CEP128: variants seen among roughly 807,000 people sequenced by gnomAD.
CEP128 encodes the protein centrosomal protein 128, also known as centrosomal protein 128kDa.
A neutral mutation model predicts 156.7 loss-of-function variants in CEP128; 132 were observed. The ratio of observed to expected loss-of-function variants is 0.84; its 90% CI spans 0.73 to 0.97. The LOEUF is 0.97. CEP128 is among the 50% of genes least tolerant of loss of function. The pLI, the probability that CEP128 is intolerant of heterozygous loss-of-function variation, is 0.00. For synonymous variants in CEP128, 469 were observed against 448.9 expected (o/e 1.04, Z -0.57); for missense variants, 1,252 against 1,281.9 (o/e 0.98, Z 0.36).
At chr14:80,551,078 T>C (rs1186275779) in intron 21 of CEP128, among the ~76,000 whole-genome samples, 1 of 152,178 alleles carries the variant, frequency 6.6e-6, no homozygotes, top group Non-Finnish European at 1.5e-5. Flanking sequence ...CCTACTCTTA[T>C]GGTAAATATT....
intron 12 of CEP128, among the ~76,000 whole-genome samples, chr14:80,833,447 T>C (rs1027677495): frequency 2.0e-5 from 3 of 151,780 alleles, no homozygotes; most frequent in Non-Finnish European, 4.4e-5. Context: ...ATGAAACATT[T>C]CCCAAAAAAG....
intron 19 of CEP128, among the ~76,000 whole-genome samples, chr14:80,645,545 T>A (rs1272203115): frequency 1.3e-5 from 2 of 152,074 alleles, no homozygotes; most frequent in African/African-American, 4.8e-5. Context: ...GGAAAGGAAT[T>A]AAAATAAGCA....
intron 9 of CEP128, among the ~76,000 whole-genome samples, chr14:80,849,576 G>A (rs975666680): frequency 2.6e-5 from 4 of 152,078 alleles, no homozygotes; most frequent in African/African-American, 4.8e-5. Context: ...AGATATATAA[G>A]AAATAACAGC....
At chr14:80,762,955 G>C (rs1223902824) in intron 16 of CEP128, among the ~76,000 whole-genome samples, 1 of 152,148 alleles carries the variant, frequency 6.6e-6, no homozygotes, top group African/African-American at 2.4e-5. Context: ...AGAGATTAAT[G>C]TGTATGAACT....
intron 24 of CEP128, 22 bp from the exon 25 acceptor site, chr14:80,497,604 G>GA: frequency 6.5e-7 from 1 of 1,532,330 alleles, no homozygotes; most frequent in South Asian, 1.1e-5. Context: ...AGAAGAAAAA[G>GA]AAAAATAAAC....
At chr14:80,579,445 AT>A (rs1360948652) in intron 20 of CEP128, among the ~76,000 whole-genome samples, 1 of 152,040 alleles carries the variant, frequency 6.6e-6, no homozygotes, top group African/African-American at 2.4e-5. Context: ...CTTCCTTTGC[AT>A]TTTCAGATCA....
At chr14:80,811,736 T>C (rs1884553372) in intron 13 of CEP128, among the ~76,000 whole-genome samples, 2 of 151,040 alleles carry the variant, frequency 1.3e-5, no homozygotes, top group South Asian at 4.2e-4. Flanking sequence ...TATGTATGTA[T>C]TATCCAGATA....
intron 19 of CEP128, among the ~76,000 whole-genome samples, chr14:80,602,136 A>G (rs1015284654): frequency 2.6e-5 from 4 of 152,174 alleles, no homozygotes; most frequent in African/African-American, 7.2e-5. Context: ...ATCAATCAAG[A>G]CTATATAACA....
intron 8 of CEP128, among the ~76,000 whole-genome samples, chr14:80,879,843 T>C (rs1888450240): frequency 2.1e-5 from 3 of 142,414 alleles, no homozygotes; most frequent in African/African-American, 7.9e-5. Flanking sequence ...GTTCCCAGAT[T>C]CAACTCAAAG....
At chr14:80,853,191 A>G (rs1423725840) in intron 9 of CEP128, among the ~76,000 whole-genome samples, 11 of 147,700 alleles carry the variant, frequency 7.4e-5, no homozygotes. Flanking sequence ...GTAGGGGCAA[A>G]CACCATACAA....
At chr14:80,659,622 A>C (rs2140890232) in intron 19 of CEP128, among the ~76,000 whole-genome samples, 1 of 152,300 alleles carries the variant, frequency 6.6e-6, no homozygotes, top group Non-Finnish European at 1.5e-5. Flanking sequence ...AACTAAAATG[A>C]AAAGCACTTA....
intron 9 of CEP128, among the ~76,000 whole-genome samples, chr14:80,851,974 C>T (rs569403286): frequency 1.3e-4 from 20 of 151,842 alleles, no homozygotes; most frequent in Admixed American, 7.9e-4. Context: ...ACAAATCACA[C>T]GGAGAAACTG....
At chr14:80,944,883 A>T (rs868507919), upstream of CEP128, among the ~76,000 whole-genome samples, 3 of 150,338 alleles carry the variant, frequency 2.0e-5, no homozygotes, top group African/African-American at 7.3e-5. Context: ...AAAACAAAAA[A>T]AAAAAAAACC....
At chr14:80,927,772 T>C (rs60407794) in intron 2 of CEP128, among the ~76,000 whole-genome samples, 14,987 of 152,250 alleles carry the variant, frequency 0.098, 1,256 homozygotes, top group East Asian at 0.43. Context: ...GCTTTAGTTG[T>C]AGCTGTTTTT....
At chr14:80,882,102 A>G (rs1373408967) in intron 8 of CEP128, among the ~76,000 whole-genome samples, 1 of 152,184 alleles carries the variant, frequency 6.6e-6, no homozygotes, top group African/African-American at 2.4e-5. Context: ...CAAGTTAAAA[A>G]GCTTCTGTAC....
chr14:80,504,986 C>T lies in CEP128; in HGVS notation c.3107G>A (p.Arg1036His), dbSNP rs150831081. The change falls in exon 24 of 25, where the codon CGT becomes CAT. Residue 1036 changes from arginine to histidine, a missense_variant. Physicochemically the swap from Arg to His is conservative, Grantham distance 29 (BLOSUM62 0). Transcript: ENST00000555265. ...DRTFLEGSHT[R>H]GLDHSSSWQD... Reference sequence around the variant, plus strand: ...CCAAGAGGATGAGTGATCTAACCCACGAGTGTGGGAACCTTCCAGAAAGGT... The same window carrying T: ...CCAAGAGGATGAGTGATCTAACCCATGAGTGTGGGAACCTTCCAGAAAGGT... 68 of 1,600,542 alleles carry T rather than the reference C, an allele frequency of 4.2e-5. No individual in the cohort carries two copies. In the African/African-American group the frequency reaches 6.8e-4, roughly 16 times the overall value.
At chr14:80,853,774 A>T (rs1007160340) in intron 9 of CEP128, among the ~76,000 whole-genome samples, 7 of 152,002 alleles carry the variant, frequency 4.6e-5, no homozygotes, top group African/African-American at 1.7e-4. Context: ...ATTAAGAAAG[A>T]ATTATATTAG....
intron 19 of CEP128, among the ~76,000 whole-genome samples, chr14:80,604,818 T>C (rs1270002197): frequency 6.6e-6 from 1 of 152,112 alleles, no homozygotes; most frequent in Non-Finnish European, 1.5e-5. Context: ...TTGTATATAC[T>C]TTTTCTGAAA....
chr14:80,503,116 A>G (rs906253907), intron 24 of CEP128, among the ~76,000 whole-genome samples: 1 of 152,174 alleles, frequency 6.6e-6, no homozygotes, highest in Non-Finnish European at 1.5e-5. Flanking sequence ...GAAAAATAGT[A>G]AAACAAGACT....
Sources: gnomAD v4.1 joint callset for allele counts (sites outside exome capture counted in the v4.1 genomes callset) on GRCh38, gnomAD v4.1.1 for gene constraint, MANE v1.5 for transcripts, NCBI Gene and HGNC (gene_info 2026-07-23, HGNC 2026-07-21) for gene names.